Variants in MEIKIN observed in about 807,000 individuals in gnomAD.
The protein encoded by MEIKIN is meiosis-specific kinetochore protein.
At chr5:131,933,253 C>A (rs1407568427) in intron 5 of MEIKIN, among the ~76,000 whole-genome samples, 1 of 152,094 alleles carries the variant, frequency 6.6e-6, no homozygotes, top group East Asian at 1.9e-4. Context: ...TCATTAGGTG[C>A]AAAATTGATT....
chr5:131,940,585 T>C (rs1243071720), intron 4 of MEIKIN, among the ~76,000 whole-genome samples: 1 of 152,224 alleles, frequency 6.6e-6, no homozygotes, highest in Non-Finnish European at 1.5e-5. Flanking sequence ...ATATTCCTGG[T>C]TGCTTTATTT....
At chr5:131,926,628 T>G (rs2149649870) in intron 5 of MEIKIN, among the ~76,000 whole-genome samples, 1 of 152,320 alleles carries the variant, frequency 6.6e-6, no homozygotes, top group Non-Finnish European at 1.5e-5. Context: ...CTTTAAATGT[T>G]TGGTAGAATT....
chr5:131,810,359 T>G (rs1772930515), intron 12 of MEIKIN, among the ~76,000 whole-genome samples: 1 of 152,214 alleles, frequency 6.6e-6, no homozygotes, highest in Non-Finnish European at 1.5e-5. Flanking sequence ...ACTATAAGGA[T>G]AGCTGCAGGT....
chr5:131,812,114 G>C (rs762192026), intron 12 of MEIKIN, among the ~76,000 whole-genome samples: 69 of 152,226 alleles, frequency 4.5e-4, no homozygotes, highest in Middle Eastern at 3.4e-3. Flanking sequence ...GTTTAGTTTT[G>C]CCAAGTTTTA....
At chr5:131,937,899 G>A (rs1030024584) in intron 4 of MEIKIN, among the ~76,000 whole-genome samples, 4 of 151,622 alleles carry the variant, frequency 2.6e-5, no homozygotes, top group African/African-American at 7.3e-5. Flanking sequence ...AGTTTGCACC[G>A]TCCAAACTTG....
At chr5:131,868,274 A>G (rs907676422) in intron 9 of MEIKIN, among the ~76,000 whole-genome samples, 1 of 152,202 alleles carries the variant, frequency 6.6e-6, no homozygotes, top group South Asian at 2.1e-4. Flanking sequence ...TAGTAGAGAC[A>G]GGGTTTTGCC....
At chr5:131,876,330 G>C (rs908085424) in intron 9 of MEIKIN, among the ~76,000 whole-genome samples, 1 of 151,690 alleles carries the variant, frequency 6.6e-6, no homozygotes, top group Non-Finnish European at 1.5e-5. Flanking sequence ...CAAAAAGTGG[G>C]CGAAGGATAT....
intron 9 of MEIKIN, among the ~76,000 whole-genome samples, chr5:131,856,258 A>G (rs1389506052): frequency 6.6e-6 from 1 of 152,200 alleles, no homozygotes; most frequent in Non-Finnish European, 1.5e-5. Context: ...ATGTAAAAAG[A>G]ACCTATGGTG....
At chr5:131,928,885 C>G (rs888304037) in intron 5 of MEIKIN, among the ~76,000 whole-genome samples, 9 of 152,118 alleles carry the variant, frequency 5.9e-5, no homozygotes, top group African/African-American at 1.9e-4. Context: ...CTGTATTTAT[C>G]TATATATTTA....
chr5:131,920,912 G>A (rs1002314855), intron 6 of MEIKIN, among the ~76,000 whole-genome samples: 3 of 151,872 alleles, frequency 2.0e-5, no homozygotes, highest in African/African-American at 7.3e-5. Flanking sequence ...ATGTTGCCCA[G>A]GCTGGTCTCA....
intron 11 of MEIKIN, among the ~76,000 whole-genome samples, chr5:131,823,497 A>G (rs953419519): frequency 6.6e-6 from 1 of 152,028 alleles, no homozygotes; most frequent in African/African-American, 2.4e-5. Context: ...TAAGTATGCC[A>G]AATTGCAGTT....
At chr5:131,929,051 T>C (rs1751638863) in intron 5 of MEIKIN, among the ~76,000 whole-genome samples, 1 of 152,236 alleles carries the variant, frequency 6.6e-6, no homozygotes, top group African/African-American at 2.4e-5. Context: ...TCTCCATTTT[T>C]GAAAGACAGT....
chr5:131,893,201 G>A (rs1750965169), intron 8 of MEIKIN, among the ~76,000 whole-genome samples: 1 of 152,236 alleles, frequency 6.6e-6, no homozygotes, highest in Admixed American at 6.5e-5. Flanking sequence ...GGAGCCTACA[G>A]AGGCAGGCAG....
chr5:131,812,501 T>C lies in MEIKIN; in HGVS notation c.1100-5243A>G, dbSNP rs568430767. 6.6e-5 allele frequency among the ~76,000 whole-genome samples: 10 copies of C among 152,362 alleles called. No homozygotes were observed. The East Asian group carries it at 1.7e-3, about 26-fold the overall frequency. The stretch of plus-strand genomic sequence containing the variant: ...GGTCAAGTAGTATGAGGGACATCCC[T>C]ATTAAGGCGAAGAATTAGGTATTGC... On this transcript the variant is annotated intron_variant, in intron 12 of 12. Transcript: ENST00000442687.
chr5:131,856,641 G>A (rs1424164593), intron 9 of MEIKIN, among the ~76,000 whole-genome samples: 1 of 152,116 alleles, frequency 6.6e-6, no homozygotes, highest in African/African-American at 2.4e-5. Context: ...AGCCCCTGAT[G>A]TTTGAACTCT....
At chr5:131,844,967 A>G (rs1421570652) in intron 11 of MEIKIN, among the ~76,000 whole-genome samples, 1 of 152,140 alleles carries the variant, frequency 6.6e-6, no homozygotes, top group Non-Finnish European at 1.5e-5. Flanking sequence ...AAACAAAAAC[A>G]ATTACAAAAG....
chr5:131,843,569 C>T (rs548694794), intron 11 of MEIKIN, among the ~76,000 whole-genome samples: 58 of 152,352 alleles, frequency 3.8e-4, no homozygotes, highest in African/African-American at 1.4e-3. Context: ...CAAAGTTCCA[C>T]AGATCTTTAC....
intron 8 of MEIKIN, among the ~76,000 whole-genome samples, chr5:131,897,246 A>G (rs1476992901): frequency 6.6e-6 from 1 of 152,234 alleles, no homozygotes; most frequent in Non-Finnish European, 1.5e-5. Context: ...TTCTGCCAAG[A>G]GATCCACTGT....
In MEIKIN at chr5:131,945,162, G is replaced by A. The variant is rs1437823231; in HGVS notation, c.194C>T (p.Pro65Leu). ...RSRQGGSGSG[P>L]FSPRLGVTGE... ...GTTACTGGAGGCTACATACCTGAACGGCCCAGAGCCGCTACCTCCCTGCCT... is the reference window on the plus strand; with the variant it reads ...GTTACTGGAGGCTACATACCTGAACAGCCCAGAGCCGCTACCTCCCTGCCT... The change falls in exon 2 of 13, where the codon CCG (proline) becomes CTG (leucine). Residue 65 changes from proline (P) to leucine (L), a missense_variant. Pro to Leu is a moderately conservative substitution (Grantham distance 98). Transcript: ENST00000442687. 1 of 399,112 alleles carries A rather than the reference G, an allele frequency of 2.5e-6. No homozygotes were observed. Among genetic ancestry groups the A allele is most frequent in the Non-Finnish European group, 4.4e-6 (1 of 226,106 alleles). The allele number at this position is 399,112 out of a possible 1,614,324, so 24.7% of individuals were successfully genotyped here.
Sources: allele counts gnomAD v4.1 joint callset (sites outside exome capture counted in the v4.1 genomes callset), GRCh38; gene constraint gnomAD v4.1.1; transcripts MANE v1.5; gene names NCBI Gene and HGNC (gene_info 2026-07-23, HGNC 2026-07-21).